The following GLIS3 variants were observed in gnomAD, a reference collection of about 807,000 sequenced individuals.
The protein encoded by GLIS3 is zinc finger protein GLIS3.
In GLIS3, 53 loss-of-function variants were observed where a neutral mutation model predicts 78.6. That is an observed-to-expected ratio of 0.67 (90% CI 0.54 to 0.85). The LOEUF (loss-of-function observed/expected upper bound fraction) is 0.85, where lower values mean the gene tolerates loss of function less well. Among genes scored for constraint, GLIS3 ranks in the 40% least tolerant of loss-of-function variants. The pLI, the probability that GLIS3 is intolerant of heterozygous loss-of-function variation, is 0.00. For synonymous variants in GLIS3, 684 were observed against 509.9 expected (o/e 1.34, Z -4.60); for missense variants, 1,703 against 1,231.1 (o/e 1.38, Z -5.74).
intron 4 of GLIS3, among the ~76,000 whole-genome samples, chr9:3,988,472 A>G (rs1485315993): frequency 6.6e-6 from 1 of 152,210 alleles, no homozygotes; most frequent in Non-Finnish European, 1.5e-5. Context: ...AGGTTCCCAT[A>G]ATTCTCCCAA....
the GLIS3 span, among the ~76,000 whole-genome samples, chr9:4,448,908 A>T: frequency 6.6e-6 from 1 of 152,230 alleles, no homozygotes; most frequent in Non-Finnish European, 1.5e-5. Flanking sequence ...TGATGGGTGC[A>T]GAAGACAGTG....
At chr9:4,260,170 G>A (rs1323254323) in intron 2 of GLIS3, among the ~76,000 whole-genome samples, 1 of 152,174 alleles carries the variant, frequency 6.6e-6, no homozygotes, top group African/African-American at 2.4e-5. Flanking sequence ...CAGGCCCGAT[G>A]GCCTGTAATC....
At chr9:4,298,192 G>A (rs140657137) in intron 1 of GLIS3, among the ~76,000 whole-genome samples, 3 of 152,036 alleles carry the variant, frequency 2.0e-5, no homozygotes, top group Non-Finnish European at 4.4e-5. Context: ...GCCCGGCCTG[G>A]CCGGAGCCTG....
chr9:4,094,804 T>G (rs936133071), intron 4 of GLIS3, among the ~76,000 whole-genome samples: 32 of 152,344 alleles, frequency 2.1e-4, no homozygotes, highest in African/African-American at 7.2e-4. Flanking sequence ...CCACTTGAAG[T>G]TATTTGGCTC....
intron 4 of GLIS3, among the ~76,000 whole-genome samples, chr9:3,958,302 G>C (rs1376192309): frequency 6.6e-6 from 1 of 152,126 alleles, no homozygotes; most frequent in Non-Finnish European, 1.5e-5. Flanking sequence ...TGAGCGTCTA[G>C]TATGCATGTG....
At chr9:4,443,195 G>A in the GLIS3 span, among the ~76,000 whole-genome samples, 1 of 152,142 alleles carries the variant, frequency 6.6e-6, no homozygotes. Flanking sequence ...CCTGTTTCTA[G>A]TAACAAGCTA....
chr9:4,483,593 G>T, the GLIS3 span, among the ~76,000 whole-genome samples: 4 of 151,972 alleles, frequency 2.6e-5, no homozygotes, highest in African/African-American at 7.2e-5. Context: ...GGTGGTGCAC[G>T]CCTGTAATCC....
At chr9:4,256,059 C>G (rs1472072294) in intron 2 of GLIS3, among the ~76,000 whole-genome samples, 1 of 151,750 alleles carries the variant, frequency 6.6e-6, no homozygotes, top group Non-Finnish European at 1.5e-5. Context: ...AAAAGGATAA[C>G]AAACTTGCCC....
chr9:4,029,177 T>C (rs1328180572), intron 4 of GLIS3, among the ~76,000 whole-genome samples: 2 of 152,202 alleles, frequency 1.3e-5, no homozygotes, highest in African/African-American at 4.8e-5. Flanking sequence ...AAAAACTACC[T>C]GTGAAACCCT....
At chr9:4,007,360 G>C (rs1821636304) in intron 4 of GLIS3, among the ~76,000 whole-genome samples, 1 of 152,108 alleles carries the variant, frequency 6.6e-6, no homozygotes, top group African/African-American at 2.4e-5. Context: ...GGGAAATGAA[G>C]TCCAAAGCTC....
intron 4 of GLIS3, among the ~76,000 whole-genome samples, chr9:4,054,035 G>C (rs1825940860): frequency 6.6e-6 from 1 of 152,186 alleles, no homozygotes; most frequent in African/African-American, 2.4e-5. Flanking sequence ...CTTGCTATTT[G>C]AATGAGAAAG....
chr9:4,424,514 T>C, the GLIS3 span, among the ~76,000 whole-genome samples: 3 of 152,204 alleles, frequency 2.0e-5, no homozygotes, highest in Non-Finnish European at 2.9e-5. Context: ...TACTTGATTA[T>C]TGCAACATTC....
chr9:4,397,258 C>T, the GLIS3 span, among the ~76,000 whole-genome samples: 1 of 148,212 alleles, frequency 6.7e-6, no homozygotes, highest in Non-Finnish European at 1.5e-5. Context: ...ATCTCCTGAC[C>T]TCGTGATCCG....
At chr9:3,890,105 A>G (rs1345115065) in intron 7 of GLIS3, among the ~76,000 whole-genome samples, 1 of 152,196 alleles carries the variant, frequency 6.6e-6, no homozygotes, top group Non-Finnish European at 1.5e-5. Context: ...ATACCAAAAC[A>G]AGGAATATGT....
chr9:4,194,875 A>G (rs1229644215), intron 2 of GLIS3, among the ~76,000 whole-genome samples: 1 of 152,210 alleles, frequency 6.6e-6, no homozygotes, highest in Non-Finnish European at 1.5e-5. Context: ...AAAGCTGCAT[A>G]TGTTTTCCCA....
chr9:4,272,750 C>T (rs1331516575), intron 2 of GLIS3, among the ~76,000 whole-genome samples: 1 of 152,184 alleles, frequency 6.6e-6, no homozygotes, highest in Admixed American at 6.5e-5. Context: ...CTAATCCTTT[C>T]AAGTAGGTTG....
chr9:3,887,173 C>G (rs1822137006), intron 7 of GLIS3, among the ~76,000 whole-genome samples: 1 of 152,126 alleles, frequency 6.6e-6, no homozygotes, highest in South Asian at 2.1e-4. Flanking sequence ...ATCCAGCAGC[C>G]CTGATAAGAG....
chr9:4,133,874 A>ACACACACACACACACACAC (rs768664577), intron 2 of GLIS3, among the ~76,000 whole-genome samples: 1 of 123,918 alleles, frequency 8.1e-6, no homozygotes, highest in Non-Finnish European at 1.7e-5. Context: ...ACACACACAC[A>ACACACACACACACACACAC]CCGTACATCT....
chr9:4,292,408 C>T (rs532604476), intron 1 of GLIS3, among the ~76,000 whole-genome samples: 2 of 152,206 alleles, frequency 1.3e-5, no homozygotes, highest in Admixed American at 1.3e-4. Flanking sequence ...GGGTGAGTCA[C>T]GGCCAAAACA....
Sources: gnomAD v4.1 joint callset for allele counts (sites outside exome capture counted in the v4.1 genomes callset) on GRCh38, gnomAD v4.1.1 for gene constraint, MANE v1.5 for transcripts, NCBI Gene and HGNC (gene_info 2026-07-23, HGNC 2026-07-21) for gene names.